The following DNM3 variants were observed in gnomAD, a reference collection of about 807,000 sequenced individuals.
DNM3 encodes the protein dynamin-3.
Under a neutral mutation model 101.6 loss-of-function variants are expected in DNM3, and 47 were observed. That is an observed-to-expected ratio of 0.46 (90% CI 0.37 to 0.59). The LOEUF is 0.59. Among genes scored for constraint, DNM3 ranks in the 20% least tolerant of loss-of-function variants. The pLI is 0.00. For synonymous variants in DNM3, 385 were observed against 387.9 expected (o/e 0.99, Z 0.09); for missense variants, 849 against 1,085.7 (o/e 0.78, Z 3.06).
At chr1:171,975,028 A>AT (rs545461144) in intron 2 of DNM3, among the ~76,000 whole-genome samples, 271 of 146,248 alleles carry the variant, frequency 1.9e-3, no homozygotes, top group African/African-American at 4.9e-3. Context: ...TGAAAAAAAG[A>AT]TTTTTTTTTT....
chr1:172,205,795 G>T (rs2060303022), intron 14 of DNM3, among the ~76,000 whole-genome samples: 1 of 152,060 alleles, frequency 6.6e-6, no homozygotes, highest in East Asian at 1.9e-4. Context: ...TTATTTTGTA[G>T]ATATTCTTCT....
At chr1:172,406,453 C>T (rs1293317644) in intron 20 of DNM3, among the ~76,000 whole-genome samples, 1 of 151,996 alleles carries the variant, frequency 6.6e-6, no homozygotes, top group Non-Finnish European at 1.5e-5. Context: ...GGTACCATGG[C>T]TCACACCTGT....
chr1:172,407,020 A>G (rs2070944373), intron 20 of DNM3, among the ~76,000 whole-genome samples: 1 of 152,042 alleles, frequency 6.6e-6, no homozygotes, highest in Admixed American at 6.6e-5. Context: ...GGAATAAATA[A>G]GTAATAAATA....
At chr1:172,037,493 C>A (rs2049056390) in intron 6 of DNM3, among the ~76,000 whole-genome samples, 1 of 152,050 alleles carries the variant, frequency 6.6e-6, no homozygotes, top group African/African-American at 2.4e-5. Flanking sequence ...TCATTGATTT[C>A]AAGTTCATCA....
In DNM3 at chr1:172,168,133, T is replaced by C. The variant is rs985322613; in HGVS notation, c.1659+36845T>C. On this transcript the variant is annotated intron_variant, in intron 14 of 20. Transcript: ENST00000627582. Reference sequence around the variant, plus strand: ...TCAGAATAAAACAAACATTTCCTTATGGCTTTAACTACCTATATCATAATT... The same window carrying C: ...TCAGAATAAAACAAACATTTCCTTACGGCTTTAACTACCTATATCATAATT... Among the ~76,000 whole-genome samples the C allele has an allele frequency of 2.6e-5, 4 of 152,070 alleles. No individual in the cohort carries two copies. The South Asian group carries it at 8.3e-4, about 31-fold the overall frequency.
intron 14 of DNM3, among the ~76,000 whole-genome samples, chr1:172,235,856 G>T (rs189511089): frequency 7.9e-4 from 120 of 152,202 alleles, no homozygotes; most frequent in Admixed American, 3.1e-3. Context: ...GGGGTGGGGA[G>T]AGTGGGGAGG....
chr1:172,351,199 T>A (rs1036924206), intron 17 of DNM3, among the ~76,000 whole-genome samples: 1 of 152,190 alleles, frequency 6.6e-6, no homozygotes, highest in Non-Finnish European at 1.5e-5. Context: ...AAAATTTAGA[T>A]ATTACACCTT....
chr1:172,126,894 G>A (rs897204594), intron 13 of DNM3, among the ~76,000 whole-genome samples: 6 of 151,880 alleles, frequency 4.0e-5, no homozygotes, highest in South Asian at 2.1e-4. Flanking sequence ...TAGGTCACCC[G>A]GATTCAGAAA....
At chr1:172,216,157 G>A (rs1395108483) in intron 14 of DNM3, among the ~76,000 whole-genome samples, 1 of 152,016 alleles carries the variant, frequency 6.6e-6, no homozygotes, top group East Asian at 1.9e-4. Context: ...ATTAGATGCA[G>A]CATTCCATAT....
chr1:172,300,773 A>G (rs902983379), intron 15 of DNM3, among the ~76,000 whole-genome samples: 10 of 152,276 alleles, frequency 6.6e-5, no homozygotes, highest in African/African-American at 2.4e-4. Flanking sequence ...TTGTATAATA[A>G]TAGTCCAAAA....
In DNM3 at chr1:172,067,808, CA is replaced by C. The variant is rs538018439; in HGVS notation, c.1336-1003del. ...GACATACACAATTTCCATAGTTTTG[CA>C]AAAAAAATGTACATATACACATATA... On this transcript the variant is annotated intron_variant, in intron 10 of 20. Coordinates refer to ENST00000627582, the MANE Select transcript of DNM3 (RefSeq NM_015569.5). Among the ~76,000 whole-genome samples the C allele has an allele frequency of 2.6e-5, 4 of 151,386 alleles. No individual in the cohort carries two copies. In the East Asian group the frequency reaches 7.8e-4, roughly 29 times the overall value.
chr1:171,954,854 A>G (rs2125470530), intron 2 of DNM3, among the ~76,000 whole-genome samples: 1 of 152,364 alleles, frequency 6.6e-6, no homozygotes, highest in East Asian at 1.9e-4. Flanking sequence ...ATTTTTCCTG[A>G]GAAAGCTAAA....
chr1:172,103,679 A>G (rs748615502), intron 13 of DNM3, among the ~76,000 whole-genome samples: 6 of 152,110 alleles, frequency 3.9e-5, no homozygotes, highest in Admixed American at 6.5e-5. Context: ...ATAATAATAT[A>G]TTGTTGTTGT....
chr1:171,997,414 G>A (rs1378619202), intron 4 of DNM3, among the ~76,000 whole-genome samples: 2 of 152,122 alleles, frequency 1.3e-5, no homozygotes, highest in Non-Finnish European at 2.9e-5. Context: ...CCTGAGCTTG[G>A]CTTGATTTGC....
chr1:172,174,669 A>G (rs2059091088), intron 14 of DNM3, among the ~76,000 whole-genome samples: 1 of 151,652 alleles, frequency 6.6e-6, no homozygotes, highest in Non-Finnish European at 1.5e-5. Context: ...CATGCAACAT[A>G]TGTGTTAGTA....
intron 14 of DNM3, chr1:172,136,441 AC>A (rs1314031636): frequency 6.6e-6 from 1 of 152,074 alleles, no homozygotes; most frequent in Non-Finnish European, 1.5e-5. Flanking sequence ...GTCAGCGTCG[AC>A]CCTGTGAACA....
intron 13 of DNM3, among the ~76,000 whole-genome samples, chr1:172,119,480 C>T (rs147321380): frequency 4.3e-4 from 66 of 152,028 alleles, no homozygotes; most frequent in Admixed American, 7.9e-4. Flanking sequence ...TCTCTGTTCT[C>T]TCTCTCTTCT....
At chr1:172,239,806 T>TC (rs1553204962) in intron 14 of DNM3, among the ~76,000 whole-genome samples, 1 of 92,070 alleles carries the variant, frequency 1.1e-5, no homozygotes, top group African/African-American at 3.4e-5. Context: ...TTCTCTTTTT[T>TC]TTTTTTTTTT....
chr1:172,184,395 C>T (rs763833429), intron 14 of DNM3, among the ~76,000 whole-genome samples: 3 of 152,126 alleles, frequency 2.0e-5, no homozygotes, highest in Non-Finnish European at 4.4e-5. Context: ...TGCAGAGACA[C>T]AGCAGTTTTT....
Sources: gnomAD v4.1 joint callset for allele counts (sites outside exome capture counted in the v4.1 genomes callset) on GRCh38, gnomAD v4.1.1 for gene constraint, MANE v1.5 for transcripts, NCBI Gene and HGNC (gene_info 2026-07-23, HGNC 2026-07-21) for gene names.